Variants in PIP5K1B observed in about 807,000 individuals in gnomAD.
PIP5K1B encodes the protein phosphatidylinositol 4-phosphate 5-kinase type-1 beta.
Under a neutral mutation model 67.0 loss-of-function variants are expected in PIP5K1B, and 42 were observed. That is an observed-to-expected ratio of 0.63 (90% CI 0.49 to 0.81). The LOEUF is 0.81. PIP5K1B is among the 30% of genes least tolerant of loss of function. PIP5K1B has a pLI of 0.00. For missense variants in PIP5K1B, 459 were observed against 646.3 expected (o/e 0.71, Z 3.14); for synonymous variants, 214 against 231.4 (o/e 0.92, Z 0.68).
chr9:68,927,970 G>A lies in PIP5K1B; in HGVS notation c.1201+4584G>A, dbSNP rs1398849666. On this transcript the variant is annotated intron_variant, in intron 12 of 15. Coordinates refer to ENST00000265382, the MANE Select transcript of PIP5K1B (RefSeq NM_003558.4). ...GTCTATCTTCATTCTTTTGCATGTG[G>A]GATAGCCGGTTGTTTCACCACCATT... 2.0e-5 allele frequency among the ~76,000 whole-genome samples: 3 copies of A among 151,676 alleles called. 1 individual carries two copies. The East Asian group carries it at 5.8e-4, about 29-fold the overall frequency.
At chr9:68,743,231 A>G (rs560290846) in intron 2 of PIP5K1B, among the ~76,000 whole-genome samples, 12 of 149,036 alleles carry the variant, frequency 8.1e-5, no homozygotes, top group Admixed American at 6.7e-4. Flanking sequence ...TTTTCGAAAC[A>G]GGGTTGTCAC....
intron 12 of PIP5K1B, among the ~76,000 whole-genome samples, chr9:68,931,449 T>C (rs141140790): frequency 6.1e-4 from 93 of 152,352 alleles, no homozygotes; most frequent in African/African-American, 2.1e-3. Context: ...TAGTCTCTTT[T>C]GAGCCGGAGA....
intron 14 of PIP5K1B, among the ~76,000 whole-genome samples, chr9:68,970,212 T>C (rs1489901151): frequency 6.6e-6 from 1 of 152,222 alleles, no homozygotes; most frequent in Non-Finnish European, 1.5e-5. Context: ...AATCATTGAC[T>C]GATAAAATCT....
At chr9:68,882,274 G>A (rs959232796) in intron 6 of PIP5K1B, among the ~76,000 whole-genome samples, 2 of 152,192 alleles carry the variant, frequency 1.3e-5, no homozygotes, top group African/African-American at 4.8e-5. Flanking sequence ...AGAAGAGAAT[G>A]TGGTAACCAA....
chr9:68,942,076 T>C (rs1827588253), intron 14 of PIP5K1B, among the ~76,000 whole-genome samples: 1 of 152,242 alleles, frequency 6.6e-6, no homozygotes, highest in South Asian at 2.1e-4. Flanking sequence ...ACAAAGTTAT[T>C]TGATTTGGTC....
At chr9:68,904,444 A>C (rs1003411660) in intron 8 of PIP5K1B, among the ~76,000 whole-genome samples, 2 of 152,266 alleles carry the variant, frequency 1.3e-5, no homozygotes, top group Admixed American at 1.3e-4. Context: ...GAAGGAACAC[A>C]GTGCCAAGTG....
At chr9:68,914,935 G>T (rs918516551) in intron 8 of PIP5K1B, among the ~76,000 whole-genome samples, 2 of 152,146 alleles carry the variant, frequency 1.3e-5, no homozygotes, top group African/African-American at 4.8e-5. Flanking sequence ...GTAATTCTAG[G>T]AATGTTTACT....
intron 4 of PIP5K1B, among the ~76,000 whole-genome samples, chr9:68,836,614 C>T (rs1224965610): frequency 6.9e-6 from 1 of 145,888 alleles, no homozygotes; most frequent in Admixed American, 7.1e-5. Flanking sequence ...GGGATATGTA[C>T]ACACATACAT....
intron 4 of PIP5K1B, among the ~76,000 whole-genome samples, chr9:68,841,333 C>A (rs1425130912): frequency 1.3e-5 from 2 of 152,198 alleles, no homozygotes; most frequent in African/African-American, 2.4e-5. Flanking sequence ...GATGTGGCCC[C>A]CTTCATTTCC....
chr9:68,963,789 C>G (rs1828876436), intron 14 of PIP5K1B, among the ~76,000 whole-genome samples: 1 of 152,138 alleles, frequency 6.6e-6, no homozygotes, highest in Non-Finnish European at 1.5e-5. Context: ...AGCTATTACA[C>G]TTTAGACAAT....
At chr9:68,719,499 C>G (rs1029973285) in intron 1 of PIP5K1B, among the ~76,000 whole-genome samples, 1 of 152,172 alleles carries the variant, frequency 6.6e-6, no homozygotes, top group African/African-American at 2.4e-5. Context: ...CCAGACTGTT[C>G]TGAGGTTTAC....
chr9:68,802,150 T>G (rs955046885), intron 2 of PIP5K1B, among the ~76,000 whole-genome samples: 2 of 152,334 alleles, frequency 1.3e-5, no homozygotes, highest in Admixed American at 6.5e-5. Flanking sequence ...GAACCTGGAA[T>G]AGCAAGAAAA....
intron 14 of PIP5K1B, among the ~76,000 whole-genome samples, chr9:68,960,933 G>A (rs911183254): frequency 1.2e-4 from 18 of 151,998 alleles, no homozygotes; most frequent in East Asian, 5.8e-4. Flanking sequence ...GTCACCGGCC[G>A]GGCGCGGTGG....
intron 7 of PIP5K1B, among the ~76,000 whole-genome samples, chr9:68,893,055 AGAGTAAGACTCC>A (rs562034597): frequency 3.5e-4 from 53 of 152,222 alleles, no homozygotes; most frequent in African/African-American, 1.2e-3. Context: ...TCTGGGTGAC[AGAGTAAGACTCC>A]GTCTCTCAAA....
intron 2 of PIP5K1B, among the ~76,000 whole-genome samples, chr9:68,770,259 T>C (rs1352551701): frequency 1.3e-5 from 2 of 152,204 alleles, no homozygotes; most frequent in African/African-American, 4.8e-5. Context: ...TCCAGTGCTA[T>C]GTAATTAGCT....
Position 68,934,877 on chromosome 9 carries a change from CCTTT to C in PIP5K1B, c.1202-10_1202-7del, listed in dbSNP as rs1209041501. On this transcript the variant is annotated splice_polypyrimidine_tract_variant and intron_variant, in intron 12 of 15. Coordinates refer to ENST00000265382, the MANE Select transcript of PIP5K1B (RefSeq NM_003558.4). ...AGTAAATATCTGTATTTGTCCTTTT[CCTTT>C]CTGTCTAGCTTTGAAGGCTTCACCG... 6.3e-7 allele frequency: 1 copy of C among 1,583,730 alleles called. No individual in the cohort carries two copies. The highest frequency in any genetic ancestry group is 2.3e-5 in the East Asian group (1 of 44,084).
intron 5 of PIP5K1B, among the ~76,000 whole-genome samples, chr9:68,872,263 C>T (rs1025656231): frequency 2.6e-5 from 4 of 152,256 alleles, no homozygotes; most frequent in East Asian, 1.9e-4. Context: ...TTGTTGCCTG[C>T]TGGCTGACCT....
intron 8 of PIP5K1B, among the ~76,000 whole-genome samples, chr9:68,898,320 G>C (rs11144181): frequency 0.096 from 14,590 of 152,194 alleles, 851 homozygotes; most frequent in Non-Finnish European, 0.14. Context: ...GGCTGTGTGT[G>C]GTGGGGGAGA....
chr9:68,968,711 A>ATTTT (rs201070672), intron 14 of PIP5K1B, among the ~76,000 whole-genome samples: 3 of 138,866 alleles, frequency 2.2e-5, no homozygotes, highest in African/African-American at 8.2e-5. Flanking sequence ...ATATATATAT[A>ATTTT]TATATTTTTT....
Sources: allele counts gnomAD v4.1 joint callset (sites outside exome capture counted in the v4.1 genomes callset), GRCh38; gene constraint gnomAD v4.1.1; transcripts MANE v1.5; gene names NCBI Gene and HGNC (gene_info 2026-07-23, HGNC 2026-07-21).